Variants in GNPTG observed in about 807,000 individuals in gnomAD.
The protein encoded by GNPTG is N-acetylglucosamine-1-phosphotransferase subunit gamma.
Under a neutral mutation model 43.8 loss-of-function variants are expected in GNPTG, and 46 were observed. The ratio of observed to expected loss-of-function variants is 1.05; its 90% CI spans 0.83 to 1.34. The LOEUF (loss-of-function observed/expected upper bound fraction) is 1.34. GNPTG is among the 40% of genes most tolerant of loss of function. The pLI is 0.00. For synonymous variants in GNPTG, 250 were observed against 172.8 expected (o/e 1.45, Z -3.50); for missense variants, 549 against 411.3 (o/e 1.33, Z -2.90).
chr16:1,354,494 G>A (rs1032288181), intron 3 of GNPTG, among the ~76,000 whole-genome samples: 1 of 143,374 alleles, frequency 7.0e-6, no homozygotes, highest in African/African-American at 2.6e-5. Context: ...GCCGAGGCTG[G>A]AGAATTGCTT....
chr16:1,360,443 G>GT (rs1233221797), intron 3 of GNPTG, among the ~76,000 whole-genome samples: 1 of 152,152 alleles, frequency 6.6e-6, no homozygotes, highest in Non-Finnish European at 1.5e-5. Context: ...GGCCAACACA[G>GT]TGAAACCCCG....
chr16:1,362,525 C>G lies in GNPTG; in HGVS notation c.600C>G (p.Ile200Met), dbSNP rs2034919775. ...AGCAGGACCTGGCCGATGAGCTGAT[C>G]ACCCCCCAGGTAAGCGTGCGCTCGG... is the stretch of plus-strand genomic sequence containing the variant. ...QVEQDLADEL[I>M]TPQGHEKLLR... Residue 200 changes from isoleucine (I) to methionine (M), a missense_variant, in exon 8 of 11, where the codon ATC becomes ATG. Coordinates refer to ENST00000204679, the MANE Select transcript of GNPTG (RefSeq NM_032520.5). 1 of 1,614,076 alleles carries G rather than the reference C, an allele frequency of 6.2e-7. No homozygotes were observed. The highest frequency in any genetic ancestry group is 1.3e-5 in the African/African-American group (1 of 74,950).
chr16:1,357,308 G>A (rs552239197), intron 3 of GNPTG, among the ~76,000 whole-genome samples: 1 of 152,242 alleles, frequency 6.6e-6, no homozygotes, highest in Non-Finnish European at 1.5e-5. Context: ...GGGGTGAGTG[G>A]AATGTCAGGG....
chr16:1,352,202 C>G (rs764689491), intron 2 of GNPTG, 37 bp from the exon 3 acceptor site: 3 of 1,552,460 alleles, frequency 1.9e-6, no homozygotes, highest in South Asian at 2.4e-5. Flanking sequence ...GGGGACGGCC[C>G]GGGCCCGTTC....
chr16:1,359,079 A>G (rs8053760), intron 3 of GNPTG: 62,068 of 151,934 alleles, frequency 0.41, 13,212 homozygotes, highest in Admixed American at 0.53. Context: ...GCTGGTCTCA[A>G]ACTCCTGACC....
In GNPTG at chr16:1,352,275, C is replaced by T. The variant is rs552514133; in HGVS notation, c.147C>T (p.Leu49=). 1.3e-6 allele frequency: 2 copies of T among 1,548,456 alleles called. No homozygotes were observed. Among genetic ancestry groups the T allele is most frequent in the South Asian group, 2.4e-5 (2 of 83,980 alleles). ...NNPFLPQASR[L]QAKRDPSPVS... is the part of the protein sequence containing the mutation. ...CGTTCTTGCCTCAGGCCAGTCGCCT[C>T]CAGGCCAAGAGGGATCCTTCACCCG... Residue 49 remains leucine, a synonymous_variant, in exon 3 of 11, where the codon CTC becomes CTT. Transcript: ENST00000204679.
chr16:1,362,139 C>T lies in GNPTG; in HGVS notation c.411+8C>T. Reference sequence around the variant, plus strand: ...CGGAGCCGGCAGAGCAAGGTGGGGCCTCAGACGGGAGCCCGGGAAGAGGGG... The same window carrying T: ...CGGAGCCGGCAGAGCAAGGTGGGGCTTCAGACGGGAGCCCGGGAAGAGGGG... On this transcript the variant is annotated splice_region_variant and intron_variant, in intron 6 of 10. Coordinates refer to ENST00000204679, the MANE Select transcript of GNPTG (RefSeq NM_032520.5). 1 of 1,612,578 alleles carries T rather than the reference C, an allele frequency of 6.2e-7. No individual in the cohort carries two copies. The highest frequency in any genetic ancestry group is 2.2e-5 in the East Asian group (1 of 44,828).
rs1199024547 is a variant in GNPTG, at chr16:1,363,014, C to T, written c.841C>T (p.His281Tyr). 6.2e-7 allele frequency: 1 copy of T among 1,614,046 alleles called. No homozygotes were observed. The highest frequency in any genetic ancestry group is 1.7e-5 in the Admixed American group (1 of 60,008). Residue 281 changes from histidine (H) to tyrosine (Y), a missense_variant, in exon 11 of 11, where the codon CAC becomes TAC. By Grantham distance (83) the His-to-Tyr change is moderately conservative. Coordinates refer to ENST00000204679, the MANE Select transcript of GNPTG (RefSeq NM_032520.5). ...TRPTETSNLE[H>Y]LGHETPRAKS... is the part of the protein sequence containing the mutation. ...TTTGGCAGAAACTTCCAACTTGGAGCACTTGGGCCACGAGACGCCCAGAGC... is the reference window on the plus strand; with the variant it reads ...TTTGGCAGAAACTTCCAACTTGGAGTACTTGGGCCACGAGACGCCCAGAGC...
chr16:1,363,118 C>A lies in GNPTG; in HGVS notation c.*27C>A. 1 of 1,603,036 alleles carries A rather than the reference C, an allele frequency of 6.2e-7. No homozygotes were observed. The highest frequency in any genetic ancestry group is 8.5e-7 in the Non-Finnish European group (1 of 1,172,856). On this transcript the variant is annotated 3_prime_UTR_variant, in exon 11 of 11. Transcript: ENST00000204679. ...CTTGTGGTGGGAGAGCAGAGGTGGA[C>A]GCGGCCGAGAGCCCTACAGAGAAGC...
Position 1,362,234 on chromosome 16 carries a change from G to C in GNPTG, c.440G>C (p.Arg147Pro). 1.2e-6 allele frequency: 2 copies of C among 1,613,550 alleles called. No individual in the cohort carries two copies. Among genetic ancestry groups the C allele is most frequent in the South Asian group, 1.1e-5 (1 of 91,082 alleles). ...KVELACGKSNRLAHVSEPSTC... is the reference protein window; with the variant it reads ...KVELACGKSNPLAHVSEPSTC... ...GAGCTGGCGTGTGGAAAAAGCAACC[G>C]GCTGGCCCATGTGTCCGAGCCGAGC... Residue 147 changes from arginine (R) to proline (P), a missense_variant, in exon 7 of 11, where the codon CGG becomes CCG. Arg to Pro is a moderately radical substitution (Grantham distance 103, BLOSUM62 -2). Coordinates refer to ENST00000204679, the MANE Select transcript of GNPTG (RefSeq NM_032520.5).
In GNPTG at chr16:1,352,013, C is replaced by T. The variant is rs942079497; in HGVS notation, c.48C>T (p.Ala16=). Residue 16 remains alanine, a synonymous_variant, in exon 1 of 11, where the codon GCC becomes GCT. Transcript: ENST00000204679. The part of the protein sequence containing the change: ...ARLLLLLGLS[A]GGPAPAGAAK... Reference sequence around the variant, plus strand: ...TCCTGTTGCTCCTCGGGCTCTCGGCCGGCGGTGAGTGGCCCGGCCGTCCGC... The same window carrying T: ...TCCTGTTGCTCCTCGGGCTCTCGGCTGGCGGTGAGTGGCCCGGCCGTCCGC... The T allele has an allele frequency of 1.5e-4, 215 of 1,465,466 alleles. No individual in the cohort carries two copies. Among genetic ancestry groups the T allele is most frequent in the Non-Finnish European group, 1.8e-4 (205 of 1,113,916 alleles). 90.8% of individuals were successfully genotyped at this position (1,465,466 alleles called of 1,614,324 possible).
At chr16:1,357,136 C>A (rs978539744) in intron 3 of GNPTG, among the ~76,000 whole-genome samples, 7 of 152,154 alleles carry the variant, frequency 4.6e-5, no homozygotes, top group Non-Finnish European at 1.0e-4. Flanking sequence ...GAGCCCCCAG[C>A]GGTCAGGCTG....
In GNPTG at chr16:1,362,097, GTGACGCCTGCCGT is replaced by G. The variant is rs193302850; in HGVS notation, c.379_391del (p.Asp127ProfsTer31). 10 of 1,611,484 alleles carry G rather than the reference GTGACGCCTGCCGT, an allele frequency of 6.2e-6. No homozygotes were observed. On this transcript the variant is annotated frameshift_variant, in exon 6 of 11. Transcript: ENST00000204679. LOFTEE classifies it high-confidence loss of function. ...TTCACGGGCATGTGGATGAGGGACGGTGACGCCTGCCGTTCCCGGAGCCGGCAGAGCAAGGTGG... is the reference window on the plus strand; with the variant it reads ...TTCACGGGCATGTGGATGAGGGACGGTCCCGGAGCCGGCAGAGCAAGGTGG...
chr16:1,352,010 G>C lies in GNPTG; in HGVS notation c.45G>C (p.Ser15=), dbSNP rs1596603351. ...GGCTCCTGTTGCTCCTCGGGCTCTC[G>C]GCCGGCGGTGAGTGGCCCGGCCGTC... The part of the protein sequence containing the change: ...LARLLLLLGL[S]AGGPAPAGAA... Residue 15 remains serine, a synonymous_variant, in exon 1 of 11, where the codon TCG becomes TCC. Transcript: ENST00000204679. 1 of 1,462,772 alleles carries C rather than the reference G, an allele frequency of 6.8e-7. No homozygotes were observed. Among genetic ancestry groups the C allele is most frequent in the East Asian group, 2.9e-5 (1 of 34,070 alleles). The allele number at this position is 1,462,772 out of a possible 1,614,324, so 90.6% of individuals were successfully genotyped here.
Position 1,363,805 on chromosome 16 carries a change from G to T in GNPTG, c.*714G>T. ...CCAGCCATTCTTTGGTCTTCCCACT[G>T]CTCACCTGTCCTCAGAGCCAGTACT... On this transcript the variant is annotated 3_prime_UTR_variant, in exon 11 of 11. Coordinates refer to ENST00000204679, the MANE Select transcript of GNPTG (RefSeq NM_032520.5). 1 of 158,052 alleles carries T rather than the reference G, an allele frequency of 6.3e-6. No individual in the cohort carries two copies. Among genetic ancestry groups the T allele is most frequent in the Non-Finnish European group, 1.4e-5 (1 of 71,504 alleles). The allele number at this position is 158,052 out of a possible 1,614,324, so 9.8% of individuals were successfully genotyped here.
chr16:1,357,001 G>C (rs1432493038), intron 3 of GNPTG, among the ~76,000 whole-genome samples: 3 of 152,202 alleles, frequency 2.0e-5, no homozygotes, highest in Non-Finnish European at 4.4e-5. Flanking sequence ...GGACACATCA[G>C]GGTCTCTGGG....
Position 1,362,224 on chromosome 16 carries a change from A to G in GNPTG, c.430A>G (p.Lys144Glu). The G allele has an allele frequency of 6.2e-7, 1 of 1,613,610 alleles. No homozygotes were observed. The highest frequency in any genetic ancestry group is 8.5e-7 in the Non-Finnish European group (1 of 1,179,952). Residue 144 changes from lysine (K) to glutamate (E), a missense_variant, in exon 7 of 11, where the codon AAA becomes GAA. Coordinates refer to ENST00000204679, the MANE Select transcript of GNPTG (RefSeq NM_032520.5). Reference sequence around the variant, plus strand: ...TCCCCAGGTGGAGCTGGCGTGTGGAAAAAGCAACCGGCTGGCCCATGTGTC... The same window carrying G: ...TCCCCAGGTGGAGCTGGCGTGTGGAGAAAGCAACCGGCTGGCCCATGTGTC... ...RQSKVELACG[K>E]SNRLAHVSEP...
rs2035034525 is a variant in GNPTG at position 1,363,924 on chromosome 16, A to G, written c.*833A>G. On this transcript the variant is annotated 3_prime_UTR_variant, in exon 11 of 11. Coordinates refer to ENST00000204679, the MANE Select transcript of GNPTG (RefSeq NM_032520.5). ...CCACCCCGGAAGCTGAGCCCTGGAG[A>G]CACCCTGAGGGGCGGGCGCCACCTC... The G allele has an allele frequency of 6.6e-6, 1 of 152,248 alleles. No homozygotes were observed. The highest frequency in any genetic ancestry group is 6.5e-5 in the Admixed American group (1 of 15,274). The allele number at this position is 152,248 out of a possible 1,614,324, so 9.4% of individuals were successfully genotyped here.
rs1567184575 is a variant in GNPTG at position 1,362,451 on chromosome 16, G to C, written c.527-1G>C. 6.2e-7 allele frequency: 1 copy of C among 1,613,856 alleles called. No individual in the cohort carries two copies. Among genetic ancestry groups the C allele is most frequent in the Admixed American group, 1.7e-5 (1 of 60,026 alleles). On this transcript the variant is annotated splice_acceptor_variant, in intron 7 of 10. Transcript: ENST00000204679. LOFTEE classifies it high-confidence loss of function. ...GAGCCTGGCTTCTCTTGGGTCCTCA[G>C]TGTACCCAACCCTGCCAGAGGCCCT...
Sources: gnomAD v4.1 joint callset for allele counts (sites outside exome capture counted in the v4.1 genomes callset) on GRCh38, gnomAD v4.1.1 for gene constraint, MANE v1.5 for transcripts, NCBI Gene and HGNC (gene_info 2026-07-23, HGNC 2026-07-21) for gene names.